Variants in BSN observed in about 807,000 individuals in gnomAD.
BSN encodes bassoon presynaptic cytomatrix protein.
In BSN, 57 loss-of-function variants were observed where a neutral mutation model predicts 264.8. The observed-to-expected ratio is 0.22, with a 90% confidence interval of 0.17 to 0.27. The LOEUF (loss-of-function observed/expected upper bound fraction) is 0.27. Ranked by LOEUF, BSN falls within the 10% of genes least tolerant of loss-of-function variation. BSN has a pLI of 1.00. For synonymous variants in BSN, 2,059 were observed against 2,137.3 expected (o/e 0.96, Z 1.01); for missense variants, 4,615 against 5,232.5 (o/e 0.88, Z 3.64).
chr3:49,667,077 C>T (rs1212668274), intron 11 of BSN, among the ~76,000 whole-genome samples: 2 of 152,158 alleles, frequency 1.3e-5, no homozygotes, highest in African/African-American at 2.4e-5. Flanking sequence ...AAAGGAAGCA[C>T]AGACACAGCT....
At chr3:49,571,682 C>T (rs112656283) in intron 1 of BSN, among the ~76,000 whole-genome samples, 1,794 of 152,232 alleles carry the variant, frequency 0.012, 21 homozygotes, top group Non-Finnish European at 0.019. Context: ...TCCCTTTCTT[C>T]CTCCAACTGC....
intron 1 of BSN, among the ~76,000 whole-genome samples, chr3:49,584,469 TTTTG>T (rs1474547381): frequency 6.6e-6 from 1 of 152,106 alleles, no homozygotes. Flanking sequence ...CTTTTCTCTT[TTTTG>T]TTTTATTTTC....
chr3:49,592,491 C>G (rs956546381), intron 1 of BSN, among the ~76,000 whole-genome samples: 2 of 151,316 alleles, frequency 1.3e-5, no homozygotes, highest in Admixed American at 1.3e-4. Flanking sequence ...CGGTGGCTCA[C>G]GCCTGTAATC....
Position 49,658,093 on chromosome 3 carries a change from T to A in BSN, c.8537T>A (p.Leu2846Gln), listed in dbSNP as rs1371427263. Residue 2846 changes from leucine (L) to glutamine (Q), a missense_variant, in exon 5 of 12, where the codon CTG (leucine) becomes CAG (glutamine). This residue lies in a region of BSN where 3,415 missense variants were observed against 3,866.4 expected (regional missense o/e 0.88). Coordinates refer to ENST00000296452, the MANE Select transcript of BSN (RefSeq NM_003458.4). ...ACGCTGCCTCGCCCCATGAAGACCCTGCAGCGGTCCCTGTCTGACCCTAAG... is the reference window on the plus strand; with the variant it reads ...ACGCTGCCTCGCCCCATGAAGACCCAGCAGCGGTCCCTGTCTGACCCTAAG... ...QQTLPRPMKT[L>Q]QRSLSDPKPL... The A allele has an allele frequency of 5.0e-6, 8 of 1,613,144 alleles. No individual in the cohort carries two copies. The highest frequency in any genetic ancestry group is 6.8e-6 in the Non-Finnish European group (8 of 1,179,964).
chr3:49,556,561 C>CT (rs1444843922), intron 1 of BSN, among the ~76,000 whole-genome samples: 2 of 152,198 alleles, frequency 1.3e-5, no homozygotes, highest in Non-Finnish European at 2.9e-5. Context: ...GGTCCTGTGA[C>CT]TATCAGACTC....
intron 1 of BSN, among the ~76,000 whole-genome samples, chr3:49,624,389 C>T (rs1559607991): frequency 6.7e-6 from 1 of 149,002 alleles, no homozygotes; most frequent in Non-Finnish European, 1.5e-5. Context: ...ACCTCTGCCT[C>T]CTGGGTTCAA....
chr3:49,660,004 A>T lies in BSN; in HGVS notation c.8641-482A>T, dbSNP rs2052639853. Among the ~76,000 whole-genome samples, 1 of 152,096 alleles carries T rather than the reference A, an allele frequency of 6.6e-6. No individual in the cohort carries two copies. Among genetic ancestry groups the T allele is most frequent in the South Asian group, 2.1e-4 (1 of 4,830 alleles). On this transcript the variant is annotated intron_variant, in intron 5 of 11. Transcript: ENST00000296452. This position sits in a 1 kb window ranked among gnomAD's most constrained non-coding sequence, Gnocchi z 7.1. ...ATACAATCTACATGTGTCCCTTCCC[A>T]TGATCCTCTAGGGAGCCTGGCGGGC...
intron 1 of BSN, among the ~76,000 whole-genome samples, chr3:49,597,045 G>A (rs933915419): frequency 2.6e-5 from 4 of 152,090 alleles, no homozygotes; most frequent in African/African-American, 9.7e-5. Context: ...CTTCTTAAAT[G>A]TTTAGATTAA....
rs763100387 is a variant in BSN, at chr3:49,654,299, C to T, written c.4743C>T (p.Leu1581=). 5.0e-6 allele frequency: 8 copies of T among 1,613,696 alleles called. No homozygotes were observed. The highest frequency in any genetic ancestry group is 1.6e-4 in the Middle Eastern group (1 of 6,084). The change falls in exon 5 of 12, where the codon CTC becomes CTT. Residue 1581 remains leucine, a synonymous_variant. Coordinates refer to ENST00000296452, the MANE Select transcript of BSN (RefSeq NM_003458.4). This position sits in a 1 kb window ranked among gnomAD's most constrained non-coding sequence, Gnocchi z 4.1. ...MVHASASTSP[L]CSPTETQPTT... Reference sequence around the variant, plus strand: ...ATGCCAGTGCCTCCACCTCCCCGCTCTGCTCACCTACTGAAACCCAGCCCA... The same window carrying T: ...ATGCCAGTGCCTCCACCTCCCCGCTTTGCTCACCTACTGAAACCCAGCCCA...
chr3:49,612,236 C>A (rs557248858), intron 1 of BSN, among the ~76,000 whole-genome samples: 1 of 151,776 alleles, frequency 6.6e-6, no homozygotes, highest in East Asian at 1.9e-4. Flanking sequence ...CCCGGGTTCA[C>A]GCCGTCCTCC....
rs2052727844 is a variant in BSN, at chr3:49,668,301, C to T, written c.*816C>T. On this transcript the variant is annotated 3_prime_UTR_variant, in exon 12 of 12. Transcript: ENST00000296452. ...CATCCCAGCGGCACCGCCATTGTCT[C>T]AACCAGCCGGCTCCTCGTCTGTACA... 6.5e-6 allele frequency: 1 copy of T among 152,692 alleles called. No individual in the cohort carries two copies. The highest frequency in any genetic ancestry group is 1.5e-5 in the Non-Finnish European group (1 of 68,092). The allele number at this position is 152,692 out of a possible 1,614,324, so 9.5% of individuals were successfully genotyped here.
intron 1 of BSN, among the ~76,000 whole-genome samples, chr3:49,562,131 C>T (rs1349944954): frequency 6.6e-6 from 1 of 152,150 alleles, no homozygotes; most frequent in East Asian, 1.9e-4. Context: ...TGAATTTATT[C>T]CTCCTATCTA....
At position 49,662,347 on chromosome 3, in the gene BSN, C is replaced by T; in HGVS notation, c.10502C>T (p.Ala3501Val). Residue 3501 changes from alanine to valine, a missense_variant, in exon 6 of 12, where the codon GCC becomes GTC. Physicochemically the swap from Ala to Val is moderately conservative, Grantham distance 64. Coordinates refer to ENST00000296452, the MANE Select transcript of BSN (RefSeq NM_003458.4). The part of the protein sequence containing the change: ...SRVRPPMRSQ[A>V]SEEESPVSPL... ...GTACGACCCCCCATGCGGAGCCAGGCCTCTGAAGAGGAGAGCCCCGTCAGT... is the reference window on the plus strand; with the variant it reads ...GTACGACCCCCCATGCGGAGCCAGGTCTCTGAAGAGGAGAGCCCCGTCAGT... The T allele has an allele frequency of 1.9e-6, 3 of 1,613,538 alleles. No homozygotes were observed. Among genetic ancestry groups the T allele is most frequent in the Non-Finnish European group, 2.5e-6 (3 of 1,179,754 alleles).
intron 1 of BSN, among the ~76,000 whole-genome samples, chr3:49,563,570 A>G (rs898138068): frequency 6.6e-6 from 1 of 152,226 alleles, no homozygotes; most frequent in African/African-American, 2.4e-5. Flanking sequence ...ATGAAGAGAT[A>G]CATGTGGTTC....
intron 8 of BSN, among the ~76,000 whole-genome samples, chr3:49,664,166 C>A (rs2052691237): frequency 6.6e-6 from 1 of 151,820 alleles, no homozygotes; most frequent in Non-Finnish European, 1.5e-5. Context: ...CTTGCTCCCT[C>A]CTTCCTTCCC....
At chr3:49,563,310 G>C (rs1035613653) in intron 1 of BSN, among the ~76,000 whole-genome samples, 8 of 152,166 alleles carry the variant, frequency 5.3e-5, no homozygotes, top group Non-Finnish European at 1.0e-4. Flanking sequence ...AGCCAGCAAG[G>C]CTCCTACCCA....
intron 8 of BSN, 79 bp from the exon 9 acceptor site, chr3:49,664,344 C>T (rs2052692716): frequency 5.7e-6 from 9 of 1,585,032 alleles, no homozygotes; most frequent in Non-Finnish European, 7.8e-6. Flanking sequence ...TGTTCAGATT[C>T]TCTCGTGGGT....
In BSN at chr3:49,653,947, C is replaced by T. The variant is rs2052568756; in HGVS notation, c.4391C>T (p.Pro1464Leu). 9 of 1,614,132 alleles carry T rather than the reference C, an allele frequency of 5.6e-6. No individual in the cohort carries two copies. The highest frequency in any genetic ancestry group is 7.6e-6 in the Non-Finnish European group (9 of 1,180,018). The change falls in exon 5 of 12, where the codon CCT (proline) becomes CTT (leucine). Residue 1464 changes from proline to leucine, a missense_variant. Around this residue, in one of 3 missense-constraint regions of BSN, gnomAD observed 3,415 missense variants for 3,866.4 expected, o/e 0.88. Coordinates refer to ENST00000296452, the MANE Select transcript of BSN (RefSeq NM_003458.4). This position sits in a 1 kb window ranked among gnomAD's most constrained non-coding sequence, Gnocchi z 6.3. ...GCGAGTGACGGTGAGGGTGGCACTC[C>T]TCAGCCTTCCCGGGCATATTCCTAC... The part of the protein sequence containing the change: ...LSASDGEGGT[P>L]QPSRAYSYFA...
chr3:49,663,320 G>A lies in BSN; in HGVS notation c.11162G>A (p.Ser3721Asn). Residue 3721 changes from serine to asparagine, a missense_variant, in exon 7 of 12, where the codon AGC (serine) becomes AAC (asparagine). Transcript: ENST00000296452. ...ASSAYHHASDSKKGSRQAHSG... is the reference protein window; with the variant it reads ...ASSAYHHASDNKKGSRQAHSG... ...TCCGCATACCATCATGCCTCTGACAGCAAGAAGGGCTCCCGGCAAGCCCAC... is the reference window on the plus strand; with the variant it reads ...TCCGCATACCATCATGCCTCTGACAACAAGAAGGGCTCCCGGCAAGCCCAC... 3 of 1,613,968 alleles carry A rather than the reference G, an allele frequency of 1.9e-6. No homozygotes were observed. In the South Asian group the frequency reaches 3.3e-5, roughly 18 times the overall value.
Sources: gnomAD v4.1 joint callset for allele counts (sites outside exome capture counted in the v4.1 genomes callset) on GRCh38, gnomAD v4.1.1 for gene constraint, gnomAD v4.1.1 regional missense constraint, Gnocchi (gnomAD v3.1) non-coding constraint, MANE v1.5 for transcripts, NCBI Gene and HGNC (gene_info 2026-07-23, HGNC 2026-07-21) for gene names.